Variants in SDR42E1 observed in about 807,000 individuals in gnomAD.
SDR42E1 encodes the protein short chain dehydrogenase/reductase family 42E, member 1, also known as short-chain dehydrogenase/reductase family 42E member 1.
In SDR42E1, 5 loss-of-function variants were observed where a neutral mutation model predicts 2.6. That is an observed-to-expected ratio of 1.94 (90% CI 1.01 to 4.08). The LOEUF (loss-of-function observed/expected upper bound fraction) is 4.08. Among genes scored for constraint, SDR42E1 ranks in the 30% most tolerant of loss-of-function variants. SDR42E1 has a pLI of 0.00. For missense variants in SDR42E1, 596 were observed against 478.6 expected, an observed-to-expected ratio of 1.25 and a Z score of -2.29; for synonymous variants, 231 against 188.3, an observed-to-expected ratio of 1.23 and a Z score of -1.86.
rs1353251028 is a variant in SDR42E1 at position 81,991,270 on chromosome 16, G to T, written c.*7841C>A. ...TACATACTCACATGACAAAATAATG[G>T]TTTGCTTCTGTAACTTAGTTTGTGT... On this transcript the variant is annotated 3_prime_UTR_variant, in exon 3 of 3. Transcript: ENST00000328945. 2.0e-5 allele frequency: 3 copies of T among 152,068 alleles called. No homozygotes were observed. The highest frequency in any genetic ancestry group is 7.2e-5 in the African/African-American group (3 of 41,398). The allele number at this position is 152,068 out of a possible 1,614,324, so 9.4% of individuals were successfully genotyped here. A position where few individuals can be genotyped will look rare whatever the true frequency, so the allele number is the denominator to read the frequency against.
In SDR42E1 at chr16:81,999,836, A is replaced by T; in HGVS notation, c.457T>A (p.Ser153Thr). 6.2e-7 allele frequency: 1 copy of T among 1,614,162 alleles called. No homozygotes were observed. Among genetic ancestry groups the T allele is most frequent in the Non-Finnish European group, 8.5e-7 (1 of 1,180,038 alleles). Residue 153 changes from serine (S) to threonine (T), a missense_variant, in exon 3 of 3, where the codon TCT becomes ACT. Coordinates refer to ENST00000328945, the MANE Select transcript of SDR42E1 (RefSeq NM_145168.3). ...LPLHLHPDHY[S>T]RTKSIAEQKV... is the part of the protein sequence containing the mutation. ...TGCTCTGCAATTGACTTTGTCCGAG[A>T]GTAGTGATCAGGGTGGAGGTGAAGA...
At chr16:82,008,975 T>C (rs536619444) in intron 1 of SDR42E1, among the ~76,000 whole-genome samples, 6 of 152,328 alleles carry the variant, frequency 3.9e-5, no homozygotes, top group African/African-American at 1.4e-4. Flanking sequence ...CTGCTCCAGC[T>C]GTGGCTAAAA....
Position 81,996,097 on chromosome 16 carries a change from G to A in SDR42E1, c.*3014C>T, listed in dbSNP as rs945028385. The A allele has an allele frequency of 6.6e-6, 1 of 152,230 alleles. No homozygotes were observed. The allele number at this position is 152,230 out of a possible 1,614,324, so 9.4% of individuals were successfully genotyped here. ...GGCAGAATAATGTGAGATGAAGTTA[G>A]AGAGACAGGCAAGGGGCCAGTTCAG... On this transcript the variant is annotated 3_prime_UTR_variant, in exon 3 of 3. Coordinates refer to ENST00000328945, the MANE Select transcript of SDR42E1 (RefSeq NM_145168.3).
Position 81,999,369 on chromosome 16 carries a change from C to T in SDR42E1, c.924G>A (p.Gln308=). 1 of 1,614,192 alleles carries T rather than the reference C, an allele frequency of 6.2e-7. No homozygotes were observed. Among genetic ancestry groups the T allele is most frequent in the South Asian group, 1.1e-5 (1 of 91,084 alleles). ...HFILGRLYNF[Q]PFLTRTEVYK... ...AAACTTCAGTGCGAGTGAGGAAGGG[C>T]TGGAAGTTGTAGAGTCGACCCAAAA... Residue 308 remains glutamine, a synonymous_variant, in exon 3 of 3, where the codon CAG becomes CAA. Coordinates refer to ENST00000328945, the MANE Select transcript of SDR42E1 (RefSeq NM_145168.3).
chr16:81,998,351 G>C lies in SDR42E1; in HGVS notation c.*760C>G, dbSNP rs557749094. The C allele has an allele frequency of 2.0e-5, 3 of 152,284 alleles. No individual in the cohort carries two copies. Among genetic ancestry groups the C allele is most frequent in the East Asian group, 3.9e-4 (2 of 5,188 alleles). 9.4% of individuals were successfully genotyped at this position (152,284 alleles called of 1,614,324 possible). On this transcript the variant is annotated 3_prime_UTR_variant, in exon 3 of 3. Coordinates refer to ENST00000328945, the MANE Select transcript of SDR42E1 (RefSeq NM_145168.3). Reference sequence around the variant, plus strand: ...TGCAGGCTCTGAGGGCACACCCAAAGACATTGCAGAAAGTCCAGTAGCAAT... The same window carrying C: ...TGCAGGCTCTGAGGGCACACCCAAACACATTGCAGAAAGTCCAGTAGCAAT...
At position 81,997,644 on chromosome 16, in the gene SDR42E1, C is replaced by A. The variant is rs949055870; in HGVS notation, c.*1467G>T. On this transcript the variant is annotated 3_prime_UTR_variant, in exon 3 of 3. Transcript: ENST00000328945. ...TTCCTAAAAACAATCACTACCATCA[C>A]CTCATACTGATGTTGCAATTTATAT... is the stretch of plus-strand genomic sequence containing the variant. 6.6e-6 allele frequency: 1 copy of A among 152,216 alleles called. No individual in the cohort carries two copies. The highest frequency in any genetic ancestry group is 2.1e-4 in the South Asian group (1 of 4,826). 9.4% of individuals were successfully genotyped at this position (152,216 alleles called of 1,614,324 possible). A position where few individuals can be genotyped will look rare whatever the true frequency, so the allele number is the denominator to read the frequency against.
In SDR42E1 at chr16:81,995,451, G is replaced by C. The variant is rs756488682; in HGVS notation, c.*3660C>G. On this transcript the variant is annotated 3_prime_UTR_variant, in exon 3 of 3. Coordinates refer to ENST00000328945, the MANE Select transcript of SDR42E1 (RefSeq NM_145168.3). ...GAAATAGACTAAGTCTTTTAAAGTG[G>C]TGAGTTTTCAGCTGAGATGTGGAGG... The C allele has an allele frequency of 7.9e-5, 12 of 152,176 alleles. No homozygotes were observed. The highest frequency in any genetic ancestry group is 2.9e-4 in the African/African-American group (12 of 41,438). The allele number at this position is 152,176 out of a possible 1,614,324, so 9.4% of individuals were successfully genotyped here. A position where few individuals can be genotyped will look rare whatever the true frequency, so the allele number is the denominator to read the frequency against.
chr16:82,002,347 C>G (rs538120784), intron 1 of SDR42E1, among the ~76,000 whole-genome samples: 2 of 152,258 alleles, frequency 1.3e-5, no homozygotes, highest in Admixed American at 1.3e-4. Flanking sequence ...CTCTAGATTT[C>G]ACTTTTCTCT....
intron 1 of SDR42E1, among the ~76,000 whole-genome samples, chr16:82,001,998 C>CACG (rs1912784057): frequency 1.3e-5 from 2 of 149,376 alleles, no homozygotes; most frequent in African/African-American, 2.5e-5. Flanking sequence ...ACACATATAC[C>CACG]TGTGCTCAAG....
chr16:82,003,298 T>C (rs1208459497), intron 1 of SDR42E1, among the ~76,000 whole-genome samples: 1 of 152,258 alleles, frequency 6.6e-6, no homozygotes, highest in Non-Finnish European at 1.5e-5. Flanking sequence ...TGTGATTCTA[T>C]TGTTTTCTGA....
chr16:82,009,867 C>G (rs916949798), intron 1 of SDR42E1, among the ~76,000 whole-genome samples: 7 of 152,184 alleles, frequency 4.6e-5, no homozygotes, highest in Non-Finnish European at 8.8e-5. Flanking sequence ...AATTGTAGAT[C>G]CCATAATTAC....
At chr16:82,006,773 G>A (rs1171083516) in intron 1 of SDR42E1, among the ~76,000 whole-genome samples, 6 of 152,138 alleles carry the variant, frequency 3.9e-5, no homozygotes, top group African/African-American at 7.2e-5. Flanking sequence ...CAGTCTAGGC[G>A]ACAGAGGGAG....
chr16:82,005,419 C>A (rs1454205636), intron 1 of SDR42E1, among the ~76,000 whole-genome samples: 1 of 152,198 alleles, frequency 6.6e-6, no homozygotes, highest in Non-Finnish European at 1.5e-5. Flanking sequence ...CCAGTAAAGC[C>A]TTCACAGGAT....
chr16:81,991,501 G>C lies in SDR42E1; in HGVS notation c.*7610C>G, dbSNP rs1912427856. The C allele has an allele frequency of 6.6e-6, 1 of 152,066 alleles. No homozygotes were observed. The highest frequency in any genetic ancestry group is 1.5e-5 in the Non-Finnish European group (1 of 68,056). 9.4% of individuals were successfully genotyped at this position (152,066 alleles called of 1,614,324 possible). ...GGAGGCCGAGGCAAGAGGATTGCTT[G>C]GGGCAAGGAATTCAAGACCAGCCCA... On this transcript the variant is annotated 3_prime_UTR_variant, in exon 3 of 3. Coordinates refer to ENST00000328945, the MANE Select transcript of SDR42E1 (RefSeq NM_145168.3).
In SDR42E1 at chr16:81,996,857, T is replaced by C. The variant is rs1373901764; in HGVS notation, c.*2254A>G. On this transcript the variant is annotated 3_prime_UTR_variant, in exon 3 of 3. Transcript: ENST00000328945. Reference sequence around the variant, plus strand: ...ACCTCCTGGTATTCATATCCTTGTGTAGTCTCCTCCCACACTGAATACGGC... The same window carrying C: ...ACCTCCTGGTATTCATATCCTTGTGCAGTCTCCTCCCACACTGAATACGGC... 6.6e-6 allele frequency: 1 copy of C among 152,210 alleles called. No individual in the cohort carries two copies. Among genetic ancestry groups the C allele is most frequent in the Non-Finnish European group, 1.5e-5 (1 of 68,052 alleles). The allele number at this position is 152,210 out of a possible 1,614,324, so 9.4% of individuals were successfully genotyped here. A position where few individuals can be genotyped will look rare whatever the true frequency, so the allele number is the denominator to read the frequency against.
Position 81,989,550 on chromosome 16 carries a change from A to G in SDR42E1, c.*9561T>C, listed in dbSNP as rs1228216429. ...TTTGGGTTGGCTTTCTAGCCCCACA[A>G]TTTAAAACCAACACACACCGCTATG... On this transcript the variant is annotated 3_prime_UTR_variant, in exon 3 of 3. Coordinates refer to ENST00000328945, the MANE Select transcript of SDR42E1 (RefSeq NM_145168.3). The G allele has an allele frequency of 6.6e-6, 1 of 152,244 alleles. No homozygotes were observed. The highest frequency in any genetic ancestry group is 1.5e-5 in the Non-Finnish European group (1 of 68,044). 9.4% of individuals were successfully genotyped at this position (152,244 alleles called of 1,614,324 possible).
At position 81,991,368 on chromosome 16, in the gene SDR42E1, G is replaced by A. The variant is rs542768213; in HGVS notation, c.*7743C>T. 4 of 152,048 alleles carry A rather than the reference G, an allele frequency of 2.6e-5. No homozygotes were observed. Among genetic ancestry groups the A allele is most frequent in the African/African-American group, 9.7e-5 (4 of 41,374 alleles). 9.4% of individuals were successfully genotyped at this position (152,048 alleles called of 1,614,324 possible). ...TACTTTAATTGCAAATGAAGTTCGA[G>A]TAACACTTAGCCTTGAATAATGTCA... On this transcript the variant is annotated 3_prime_UTR_variant, in exon 3 of 3. Transcript: ENST00000328945.
chr16:82,005,044 C>A (rs1245320879), intron 1 of SDR42E1, among the ~76,000 whole-genome samples: 1 of 152,224 alleles, frequency 6.6e-6, no homozygotes, highest in South Asian at 2.1e-4. Context: ...TGTAAGAATT[C>A]CACCATAAGG....
intron 1 of SDR42E1, among the ~76,000 whole-genome samples, chr16:82,006,892 G>T (rs1429402686): frequency 6.6e-6 from 1 of 152,194 alleles, no homozygotes; most frequent in Non-Finnish European, 1.5e-5. Flanking sequence ...ACTCGTAATA[G>T]ATATGGGTAT....
Sources: gnomAD v4.1 joint callset for allele counts (sites outside exome capture counted in the v4.1 genomes callset) on GRCh38, gnomAD v4.1.1 for gene constraint, MANE v1.5 for transcripts, NCBI Gene and HGNC (gene_info 2026-07-23, HGNC 2026-07-21) for gene names.